EXT1: variants seen among roughly 807,000 people sequenced by gnomAD.
The protein encoded by EXT1 is exostosin-1.
EXT1 carries 20 observed loss-of-function variants against 82.5 expected under a neutral mutation model. The ratio of observed to expected loss-of-function variants is 0.24; its 90% CI spans 0.17 to 0.35. The LOEUF (loss-of-function observed/expected upper bound fraction) is 0.35, where lower values mean the gene tolerates loss of function less well. Among genes scored for constraint, EXT1 ranks in the 10% least tolerant of loss-of-function variants. The pLI is 1.00. For missense variants in EXT1, 757 were observed against 936.5 expected (o/e 0.81, Z 2.50); for synonymous variants, 348 against 350.8 (o/e 0.99, Z 0.09).
In EXT1 at chr8:117,835,848, A is replaced by C. The variant is rs1221654487; in HGVS notation, c.1057-297T>G. Among the ~76,000 whole-genome samples the C allele has an allele frequency of 1.1e-4, 17 of 152,222 alleles. 1 individual carries two copies. The highest frequency in any genetic ancestry group is 1.1e-3 in the Admixed American group (17 of 15,278). ...CCATAGAGACGACTGGCCTTGCTGGAGAAGTTTTTATTGACGTAACAAAAG... is the reference window on the plus strand; with the variant it reads ...CCATAGAGACGACTGGCCTTGCTGGCGAAGTTTTTATTGACGTAACAAAAG... On this transcript the variant is annotated intron_variant, in intron 2 of 10. Transcript: ENST00000378204.
intron 1 of EXT1, among the ~76,000 whole-genome samples, chr8:118,055,515 C>T (rs1210753062): frequency 2.6e-5 from 4 of 152,158 alleles, no homozygotes; most frequent in Non-Finnish European, 5.9e-5. Flanking sequence ...GATCATACAG[C>T]TGTATTAAAT....
intron 1 of EXT1, among the ~76,000 whole-genome samples, chr8:117,987,006 C>A (rs80122240): frequency 0.012 from 1,803 of 152,266 alleles, 35 homozygotes; most frequent in African/African-American, 0.039. Flanking sequence ...TTGGAAGATT[C>A]AGGACCTGAG....
At chr8:118,065,409 AACT>A (rs1816962894) in intron 1 of EXT1, among the ~76,000 whole-genome samples, 1 of 152,202 alleles carries the variant, frequency 6.6e-6, no homozygotes, top group Admixed American at 6.5e-5. Context: ...TCAGGTGAGG[AACT>A]AAACTGTGGC....
At chr8:117,843,949 T>C (rs1470901240) in intron 1 of EXT1, among the ~76,000 whole-genome samples, 1 of 151,940 alleles carries the variant, frequency 6.6e-6, no homozygotes, top group African/African-American at 2.4e-5. Flanking sequence ...CCTAAGCAGT[T>C]CACCTAGTTT....
At chr8:118,098,695 C>T (rs1245815220) in intron 1 of EXT1, among the ~76,000 whole-genome samples, 1 of 149,032 alleles carries the variant, frequency 6.7e-6, no homozygotes, top group Non-Finnish European at 1.5e-5. Context: ...GGAGGCGGAG[C>T]GTGCAGTGAG....
chr8:117,882,049 C>A (rs546092292), intron 1 of EXT1, among the ~76,000 whole-genome samples: 91 of 152,144 alleles, frequency 6.0e-4, no homozygotes, highest in African/African-American at 2.2e-3. Context: ...TGTAACCAGA[C>A]AAAACCAAGT....
chr8:118,090,128 AAG>A (rs1817496099), intron 1 of EXT1, among the ~76,000 whole-genome samples: 2 of 152,312 alleles, frequency 1.3e-5, no homozygotes, highest in South Asian at 4.1e-4. Context: ...ACCTGTAAAA[AAG>A]AGCCAAGTAG....
Position 118,111,718 on chromosome 8 carries a change from T to C in EXT1, c.-672A>G, listed in dbSNP as rs1483713479. The C allele has an allele frequency of 6.7e-6, 1 of 148,326 alleles. No individual in the cohort carries two copies. The highest frequency in any genetic ancestry group is 2.5e-5 in the African/African-American group (1 of 40,788). 9.2% of individuals were successfully genotyped at this position (148,326 alleles called of 1,614,324 possible). ...CTGGAGGCGGCGGCGGCGGCGGCGC[T>C]GGGTGGCGGCGGCGGCGCGTCCTCC... is the stretch of plus-strand genomic sequence containing the variant. On this transcript the variant is annotated 5_prime_UTR_variant, in exon 1 of 11. Transcript: ENST00000378204.
At chr8:117,813,051 A>G in intron 7 of EXT1, 90 bp from the exon 8 acceptor site, 1 of 1,019,008 alleles carries the variant, frequency 9.8e-7, no homozygotes. Context: ...TCCCATCCTC[A>G]CCTGCATAAA....
At chr8:117,833,666 C>T (rs559556611) in intron 3 of EXT1, among the ~76,000 whole-genome samples, 1 of 151,750 alleles carries the variant, frequency 6.6e-6, no homozygotes, top group African/African-American at 2.4e-5. Context: ...TCCTAAAATG[C>T]GCTCCATACC....
chr8:117,927,117 A>G (rs1234219076), intron 1 of EXT1, among the ~76,000 whole-genome samples: 1 of 152,210 alleles, frequency 6.6e-6, no homozygotes. Context: ...ACACAGGATA[A>G]AGGCAGAGTT....
At chr8:118,090,418 T>C (rs1160193836) in intron 1 of EXT1, among the ~76,000 whole-genome samples, 1 of 151,522 alleles carries the variant, frequency 6.6e-6, no homozygotes, top group African/African-American at 2.4e-5. Context: ...AGACCGTGTC[T>C]TGAAAAAAAA....
At chr8:117,973,898 A>C (rs1815007962) in intron 1 of EXT1, among the ~76,000 whole-genome samples, 1 of 141,800 alleles carries the variant, frequency 7.1e-6, no homozygotes, top group Non-Finnish European at 1.5e-5. Context: ...AGGAAAGGAA[A>C]GAAAAGGAAA....
intron 1 of EXT1, among the ~76,000 whole-genome samples, chr8:118,034,119 T>G (rs937567121): frequency 7.2e-5 from 11 of 152,208 alleles, no homozygotes; most frequent in Non-Finnish European, 1.2e-4. Context: ...GTATCCACAA[T>G]GTATTGGGTT....
intron 1 of EXT1, among the ~76,000 whole-genome samples, chr8:118,060,863 T>C (rs1294299861): frequency 1.3e-5 from 2 of 152,188 alleles, no homozygotes; most frequent in African/African-American, 2.4e-5. Context: ...GAAGAGCAAT[T>C]TGAGGAAGAC....
intron 1 of EXT1, among the ~76,000 whole-genome samples, chr8:117,980,697 GGT>G (rs1272681774): frequency 0.025 from 675 of 27,382 alleles, 37 homozygotes; most frequent in African/African-American, 0.12. Context: ...GGGTGTTGGT[GGT>G]TTTTTTTTTT....
intron 1 of EXT1, among the ~76,000 whole-genome samples, chr8:117,995,977 T>C (rs919995347): frequency 2.0e-5 from 3 of 152,238 alleles, no homozygotes; most frequent in Admixed American, 1.3e-4. Context: ...TATTTCCAGA[T>C]ATGATTATAG....
At chr8:117,968,730 C>T (rs920452562) in intron 1 of EXT1, among the ~76,000 whole-genome samples, 3 of 105,084 alleles carry the variant, frequency 2.9e-5, no homozygotes, top group Non-Finnish European at 5.1e-5. Context: ...CCACGACGCC[C>T]GGCTAATTTT....
intron 1 of EXT1, among the ~76,000 whole-genome samples, chr8:118,010,602 C>A (rs952168066): frequency 2.6e-5 from 4 of 152,154 alleles, no homozygotes; most frequent in Non-Finnish European, 5.9e-5. Context: ...AAAGAAGCTG[C>A]AGAGCAGTTC....
Sources: gnomAD v4.1 joint callset for allele counts (sites outside exome capture counted in the v4.1 genomes callset) on GRCh38, gnomAD v4.1.1 for gene constraint, MANE v1.5 for transcripts, NCBI Gene and HGNC (gene_info 2026-07-23, HGNC 2026-07-21) for gene names.